Variants in CHCHD3 observed in about 807,000 individuals in gnomAD.
CHCHD3 encodes MICOS complex subunit MIC19.
A neutral mutation model predicts 38.2 loss-of-function variants in CHCHD3; 20 were observed. That is an observed-to-expected ratio of 0.52 (90% CI 0.37 to 0.76). The LOEUF (loss-of-function observed/expected upper bound fraction) is 0.76, where lower values mean the gene tolerates loss of function less well. Among genes scored for constraint, CHCHD3 ranks in the 30% least tolerant of loss-of-function variants. CHCHD3 has a pLI of 0.00. For synonymous variants in CHCHD3, 82 were observed against 100.0 expected (o/e 0.82, Z 1.07); for missense variants, 245 against 279.2 (o/e 0.88, Z 0.87).
chr7:132,800,834 G>C (rs1042840256), intron 6 of CHCHD3, among the ~76,000 whole-genome samples: 1 of 152,040 alleles, frequency 6.6e-6, no homozygotes, highest in Non-Finnish European at 1.5e-5. Flanking sequence ...ATGAAGATGA[G>C]AATGGCTGGT....
chr7:132,888,273 A>G (rs1809266144), intron 4 of CHCHD3, among the ~76,000 whole-genome samples: 1 of 151,872 alleles, frequency 6.6e-6, no homozygotes, highest in African/African-American at 2.4e-5. Context: ...TTGCTTCTTT[A>G]TATGTTCAGA....
intron 4 of CHCHD3, among the ~76,000 whole-genome samples, chr7:132,971,416 C>A (rs2117325315): frequency 6.6e-6 from 1 of 152,298 alleles, no homozygotes; most frequent in South Asian, 2.1e-4. Flanking sequence ...GTGGGATTAA[C>A]AGCTTCCCCA....
At chr7:132,887,281 T>C (rs1000133822) in intron 4 of CHCHD3, among the ~76,000 whole-genome samples, 1 of 151,862 alleles carries the variant, frequency 6.6e-6, no homozygotes, top group Non-Finnish European at 1.5e-5. Context: ...TATACAAGTA[T>C]ATAATCTATG....
intron 3 of CHCHD3, among the ~76,000 whole-genome samples, chr7:132,980,524 T>C (rs1331047723): frequency 6.6e-6 from 1 of 152,210 alleles, no homozygotes; most frequent in Non-Finnish European, 1.5e-5. Context: ...AGCAAAGAAG[T>C]AGGAGTTTAG....
intron 1 of CHCHD3, among the ~76,000 whole-genome samples, chr7:133,073,689 A>G (rs1476316396): frequency 6.6e-6 from 1 of 151,966 alleles, no homozygotes; most frequent in Non-Finnish European, 1.5e-5. Flanking sequence ...CTCTCATCCC[A>G]TTTCTCCTGC....
intron 2 of CHCHD3, among the ~76,000 whole-genome samples, chr7:133,026,939 TTC>T (rs1202340917): frequency 6.6e-6 from 1 of 151,886 alleles, no homozygotes; most frequent in Non-Finnish European, 1.5e-5. Flanking sequence ...ATTGAAAATA[TTC>T]TTTTTTTTTT....
At chr7:132,807,761 T>C (rs892698370) in intron 6 of CHCHD3, among the ~76,000 whole-genome samples, 3 of 151,238 alleles carry the variant, frequency 2.0e-5, no homozygotes, top group African/African-American at 4.9e-5. Flanking sequence ...GGGAGTTGGA[T>C]AGGTGGCCAA....
intron 6 of CHCHD3, among the ~76,000 whole-genome samples, chr7:132,802,253 CA>C (rs1295967756): frequency 1.3e-5 from 2 of 152,084 alleles, no homozygotes; most frequent in Admixed American, 1.3e-4. Flanking sequence ...GGCCACGTGA[CA>C]GCTGGTAGGG....
intron 1 of CHCHD3, among the ~76,000 whole-genome samples, chr7:133,077,885 G>GA (rs1272779484): frequency 4.9e-5 from 2 of 40,536 alleles, no homozygotes; most frequent in African/African-American, 1.1e-4. Context: ...AGGATAAAGG[G>GA]AAAAAACAAG....
intron 3 of CHCHD3, among the ~76,000 whole-genome samples, chr7:133,022,236 T>C (rs1221081798): frequency 1.3e-5 from 2 of 152,244 alleles, no homozygotes; most frequent in Non-Finnish European, 2.9e-5. Context: ...TAGATGCGTA[T>C]GTCCAGCTAT....
At chr7:132,852,789 G>A (rs1266862757) in intron 5 of CHCHD3, among the ~76,000 whole-genome samples, 4 of 152,212 alleles carry the variant, frequency 2.6e-5, no homozygotes, top group Non-Finnish European at 5.9e-5. Flanking sequence ...AGTAGCTGGA[G>A]AGGCCAAGAC....
intron 4 of CHCHD3, among the ~76,000 whole-genome samples, chr7:132,966,826 T>G (rs1001235379): frequency 1.3e-5 from 2 of 152,366 alleles, no homozygotes; most frequent in East Asian, 1.9e-4. Context: ...TGCTTAACTT[T>G]TAATTTGTTG....
intron 6 of CHCHD3, among the ~76,000 whole-genome samples, chr7:132,825,554 C>T (rs772146684): frequency 6.6e-6 from 1 of 152,210 alleles, no homozygotes; most frequent in Non-Finnish European, 1.5e-5. Flanking sequence ...ATTACACTAG[C>T]GTCTTTTGTA....
intron 3 of CHCHD3, among the ~76,000 whole-genome samples, chr7:132,991,877 T>A (rs1812292743): frequency 6.6e-6 from 1 of 152,204 alleles, no homozygotes; most frequent in Non-Finnish European, 1.5e-5. Context: ...CTCCTCTCCA[T>A]CTTCCCCTAC....
At chr7:132,885,333 A>C (rs531539747) in intron 5 of CHCHD3, among the ~76,000 whole-genome samples, 5 of 152,304 alleles carry the variant, frequency 3.3e-5, no homozygotes, top group Admixed American at 6.5e-5. Context: ...GAGTGTACTA[A>C]AGTTTAGTCA....
intron 4 of CHCHD3, among the ~76,000 whole-genome samples, chr7:132,921,909 C>T (rs964793891): frequency 4.6e-5 from 7 of 152,250 alleles, no homozygotes; most frequent in East Asian, 1.9e-4. Flanking sequence ...CTTCCCTTTA[C>T]GCCACATCTC....
chr7:132,979,252 T>A (rs1811852804), intron 3 of CHCHD3, among the ~76,000 whole-genome samples: 1 of 152,210 alleles, frequency 6.6e-6, no homozygotes, highest in Non-Finnish European at 1.5e-5. Context: ...TCTCCCAGCT[T>A]GATACTGTTA....
In CHCHD3 at chr7:132,828,688, A is replaced by C. The variant is rs1332575431; in HGVS notation, c.524+9711T>G. Among the ~76,000 whole-genome samples, 10 of 152,180 alleles carry C rather than the reference A, an allele frequency of 6.6e-5. No individual in the cohort carries two copies. In the East Asian group the frequency reaches 1.9e-3, roughly 29 times the overall value. On this transcript the variant is annotated intron_variant, in intron 6 of 7. Transcript: ENST00000262570. The stretch of plus-strand genomic sequence containing the variant: ...ATGTGGTTTTACCCCAGGCAGAGTG[A>C]ATGGGCAGCTAAATACATTCATAAG...
intron 7 of CHCHD3, among the ~76,000 whole-genome samples, chr7:132,786,219 T>C (rs1806312882): frequency 6.6e-6 from 1 of 152,142 alleles, no homozygotes; most frequent in Non-Finnish European, 1.5e-5. Flanking sequence ...TTGGAAATGT[T>C]GGGAGCATGG....
Sources: gnomAD v4.1 joint callset for allele counts (sites outside exome capture counted in the v4.1 genomes callset) on GRCh38, gnomAD v4.1.1 for gene constraint, MANE v1.5 for transcripts, NCBI Gene and HGNC (gene_info 2026-07-23, HGNC 2026-07-21) for gene names.